NTNG1: variants seen among roughly 807,000 people sequenced by gnomAD.
NTNG1 encodes the protein netrin G1, also known as netrin-G1.
In NTNG1, 16 loss-of-function variants were observed where a neutral mutation model predicts 54.0. The observed-to-expected ratio is 0.30, with a 90% CI of 0.20 to 0.45. NTNG1 has a LOEUF of 0.45. Ranked by LOEUF, NTNG1 falls within the 20% of genes least tolerant of loss-of-function variation. The probability of loss-of-function intolerance (pLI) is 1.00; values close to 1 mark genes in which losing one functional copy is unlikely to be tolerated. For missense variants in NTNG1, 530 were observed against 678.7 expected, an observed-to-expected ratio of 0.78 and a Z score of 2.43; for synonymous variants, 255 against 263.1, an observed-to-expected ratio of 0.97 and a Z score of 0.30.
chr1:107,283,845 C>T (rs1665022118), intron 2 of NTNG1, among the ~76,000 whole-genome samples: 1 of 152,114 alleles, frequency 6.6e-6, no homozygotes, highest in South Asian at 2.1e-4. Context: ...ACTCCTATAC[C>T]CTAAGCTGTC....
At chr1:107,155,569 C>T (rs960038945) in intron 2 of NTNG1, among the ~76,000 whole-genome samples, 8 of 152,110 alleles carry the variant, frequency 5.3e-5, no homozygotes, top group African/African-American at 1.2e-4. Context: ...TACCCACATA[C>T]ACATTCGCTT....
At chr1:107,210,714 A>C (rs1425416903) in intron 2 of NTNG1, among the ~76,000 whole-genome samples, 2 of 151,682 alleles carry the variant, frequency 1.3e-5, no homozygotes, top group Admixed American at 1.3e-4. Context: ...TGTCACTGCC[A>C]AGGAATCTAC....
chr1:107,291,952 A>G (rs528158390), intron 2 of NTNG1, among the ~76,000 whole-genome samples: 27 of 152,224 alleles, frequency 1.8e-4, no homozygotes, highest in African/African-American at 6.0e-4. Context: ...CAAATTAACA[A>G]TTATTAAGAC....
At chr1:107,246,631 G>A (rs1414075288) in intron 2 of NTNG1, among the ~76,000 whole-genome samples, 1 of 151,734 alleles carries the variant, frequency 6.6e-6, no homozygotes, top group African/African-American at 2.4e-5. Flanking sequence ...TTTTAAAAAT[G>A]TGTTTTACCT....
Position 107,324,663 on chromosome 1 carries a change from T to G in NTNG1, c.628T>G (p.Tyr210Asp). The change falls in exon 3 of 8, where the codon TAC becomes GAC. Residue 210 changes from tyrosine to aspartate, a missense_variant. This residue lies in a region of NTNG1 where 318 missense variants were observed against 465.1 expected (regional missense o/e 0.68). Coordinates refer to ENST00000370068, the MANE Select transcript of NTNG1 (RefSeq NM_001113226.3). ...TVLEIICTEE[Y>D]STGYTTNSKI... ...CTTAGAAATCATTTGCACAGAAGAG[T>G]ACTCAACAGGGTATACAACAAATAG... 6.2e-7 allele frequency: 1 copy of G among 1,613,516 alleles called. No homozygotes were observed. Among genetic ancestry groups the G allele is most frequent in the Non-Finnish European group, 8.5e-7 (1 of 1,179,788 alleles).
intron 7 of NTNG1, among the ~76,000 whole-genome samples, chr1:107,469,335 A>G (rs1677827284): frequency 6.6e-6 from 1 of 152,178 alleles, no homozygotes; most frequent in Non-Finnish European, 1.5e-5. Flanking sequence ...GCTGCTCAGC[A>G]AGTTTTCCAT....
intron 2 of NTNG1, among the ~76,000 whole-genome samples, chr1:107,320,260 A>G (rs1401497803): frequency 2.0e-5 from 3 of 152,148 alleles, no homozygotes; most frequent in African/African-American, 4.8e-5. Context: ...TGCTTTGTCC[A>G]CAATCAGCTA....
intron 4 of NTNG1, 100 bp from the exon 5 acceptor site, chr1:107,407,582 T>C (rs1673510372): frequency 1.1e-6 from 1 of 920,288 alleles, no homozygotes; most frequent in Non-Finnish European, 1.7e-6. Flanking sequence ...AGTCTGAATA[T>C]TATCAAGTGT....
chr1:107,148,366 G>A lies in NTNG1; in HGVS notation c.-228G>A, dbSNP rs1243044394. 4.1e-6 allele frequency: 2 copies of A among 488,864 alleles called. No individual in the cohort carries two copies. The highest frequency in any genetic ancestry group is 3.9e-5 in the African/African-American group (2 of 51,506). The allele number at this position is 488,864 out of a possible 1,614,324, so 30.3% of individuals were successfully genotyped here. A position where few individuals can be genotyped will look rare whatever the true frequency, so the allele number is the denominator to read the frequency against. ...AACGCCTAACACACAAGTATGTTAG[G>A]CTTCCACCAAAGTCCTCAATATACC... On this transcript the variant is annotated 5_prime_UTR_variant, in exon 2 of 8. Coordinates refer to ENST00000370068, the MANE Select transcript of NTNG1 (RefSeq NM_001113226.3).
chr1:107,484,075 C>T lies in NTNG1; in HGVS notation c.*3235C>T, dbSNP rs1678889874. Reference sequence around the variant, plus strand: ...ACACTTTTAGGCCAAATGTAGGCCCCCTCTGGGGGTTTAAACTCCTGGAGG... The same window carrying T: ...ACACTTTTAGGCCAAATGTAGGCCCTCTCTGGGGGTTTAAACTCCTGGAGG... On this transcript the variant is annotated 3_prime_UTR_variant, in exon 8 of 8. Coordinates refer to ENST00000370068, the MANE Select transcript of NTNG1 (RefSeq NM_001113226.3). Among the ~76,000 whole-genome samples the T allele has an allele frequency of 6.6e-6, 1 of 152,186 alleles. No homozygotes were observed. The highest frequency in any genetic ancestry group is 6.5e-5 in the Admixed American group (1 of 15,284).
intron 3 of NTNG1, among the ~76,000 whole-genome samples, chr1:107,363,503 G>T (rs946002665): frequency 6.6e-6 from 1 of 152,144 alleles, no homozygotes; most frequent in African/African-American, 2.4e-5. Context: ...ACCATAGTTT[G>T]CACTTAATAA....
At chr1:107,180,853 G>A (rs567174744) in intron 2 of NTNG1, among the ~76,000 whole-genome samples, 44 of 152,180 alleles carry the variant, frequency 2.9e-4, no homozygotes, top group Admixed American at 4.6e-4. Flanking sequence ...GGTTAGTATC[G>A]CCTAGATAAT....
Position 107,318,614 on chromosome 1 carries a change from A to C in NTNG1, c.247-5668A>C, listed in dbSNP as rs553129582. The stretch of plus-strand genomic sequence containing the variant: ...AAAGTTATGGCCACAGTGTGTGATA[A>C]GTGCTTAGTTAAGAGGGAAGAGGCA... On this transcript the variant is annotated intron_variant, in intron 2 of 7. Coordinates refer to ENST00000370068, the MANE Select transcript of NTNG1 (RefSeq NM_001113226.3). 1.3e-3 allele frequency among the ~76,000 whole-genome samples: 197 copies of C among 152,248 alleles called. 1 individual carries two copies. Among genetic ancestry groups the C allele is most frequent in the African/African-American group, 4.6e-3 (192 of 41,564 alleles).
intron 5 of NTNG1, chr1:107,409,882 C>T (rs888739243): frequency 6.6e-6 from 1 of 152,196 alleles, no homozygotes; most frequent in East Asian, 1.9e-4. Flanking sequence ...TAATGGCATT[C>T]GAAAGTTCCT....
chr1:107,480,576 G>GCCCCCCCCCCCCCC, intron 7 of NTNG1, 35 bp from the exon 8 acceptor site: 1 of 339,096 alleles, frequency 2.9e-6, no homozygotes, highest in Non-Finnish European at 5.7e-6. Context: ...TCCTCCCCGC[G>GCCCCCCCCCCCCCC]CCCACCCACC....
chr1:107,259,822 T>C (rs754364329), intron 2 of NTNG1, among the ~76,000 whole-genome samples: 3 of 152,146 alleles, frequency 2.0e-5, no homozygotes, highest in Non-Finnish European at 4.4e-5. Context: ...GGTCTCTACT[T>C]TTCTTCTTTA....
intron 2 of NTNG1, among the ~76,000 whole-genome samples, chr1:107,154,730 A>G (rs753957661): frequency 6.6e-6 from 1 of 151,368 alleles, no homozygotes; most frequent in Admixed American, 6.6e-5. Context: ...TGGAAGAGGA[A>G]CAAAATAATA....
chr1:107,302,190 C>T (rs1329076112), intron 2 of NTNG1, among the ~76,000 whole-genome samples: 1 of 152,128 alleles, frequency 6.6e-6, no homozygotes, highest in Non-Finnish European at 1.5e-5. Context: ...CGTGGAGTAC[C>T]ATGGCCTTTC....
At chr1:107,202,405 A>G (rs976686041) in intron 2 of NTNG1, among the ~76,000 whole-genome samples, 5 of 151,950 alleles carry the variant, frequency 3.3e-5, no homozygotes, top group African/African-American at 4.8e-5. Context: ...AAATACTTTA[A>G]ATGGTGCATA....
Sources: gnomAD v4.1 joint callset for allele counts (sites outside exome capture counted in the v4.1 genomes callset) on GRCh38, gnomAD v4.1.1 for gene constraint, gnomAD v4.1.1 regional missense constraint, MANE v1.5 for transcripts, NCBI Gene and HGNC (gene_info 2026-07-23, HGNC 2026-07-21) for gene names.